The following NDST4 variants were observed in gnomAD, a reference collection of about 807,000 sequenced individuals.
The protein encoded by NDST4 is N-deacetylase and N-sulfotransferase 4.
Under a neutral mutation model 100.8 loss-of-function variants are expected in NDST4, and 63 were observed. The observed-to-expected ratio is 0.62, with a 90% confidence interval of 0.51 to 0.77. The LOEUF (loss-of-function observed/expected upper bound fraction) is 0.77. Among genes scored for constraint, NDST4 ranks in the 30% least tolerant of loss-of-function variants. NDST4 has a pLI of 0.00. For synonymous variants in NDST4, 377 were observed against 361.8 expected (o/e 1.04, Z -0.48); for missense variants, 943 against 1,018.4 (o/e 0.93, Z 1.01).
intron 2 of NDST4, among the ~76,000 whole-genome samples, chr4:115,016,292 A>G (rs1462547560): frequency 6.6e-6 from 1 of 152,090 alleles, no homozygotes; most frequent in Non-Finnish European, 1.5e-5. Flanking sequence ...GGTTCTTCAG[A>G]AGCCTGTATA....
intron 1 of NDST4, among the ~76,000 whole-genome samples, chr4:115,099,556 G>A (rs1309931123): frequency 6.6e-6 from 1 of 152,130 alleles, no homozygotes; most frequent in Non-Finnish European, 1.5e-5. Flanking sequence ...TTTAGGATAT[G>A]AGAAGATGGT....
intron 6 of NDST4, among the ~76,000 whole-genome samples, chr4:114,918,556 T>TA (rs1378309786): frequency 2.3e-5 from 1 of 42,978 alleles, no homozygotes; most frequent in African/African-American, 1.6e-4. Flanking sequence ...AAAATAAAAA[T>TA]AAATAAAAAA....
chr4:114,858,933 G>C (rs925375307), intron 7 of NDST4, among the ~76,000 whole-genome samples: 5 of 152,170 alleles, frequency 3.3e-5, no homozygotes, highest in Admixed American at 2.6e-4. Flanking sequence ...ATCCTGGTAG[G>C]GGTAATTGAC....
intron 7 of NDST4, among the ~76,000 whole-genome samples, chr4:114,867,665 CA>C: frequency 0.014 from 1,082 of 79,858 alleles, 8 homozygotes; most frequent in Middle Eastern, 0.026. Flanking sequence ...AAAAAAAAAG[CA>C]AAAAAAAAAA....
intron 2 of NDST4, among the ~76,000 whole-genome samples, chr4:115,008,281 T>A (rs1403466682): frequency 7.7e-6 from 1 of 129,592 alleles, no homozygotes; most frequent in Non-Finnish European, 1.7e-5. Context: ...CTTTAGTTGA[T>A]GCAGTTTCTT....
intron 2 of NDST4, among the ~76,000 whole-genome samples, chr4:115,075,173 T>C (rs560119758): frequency 1.3e-5 from 2 of 152,302 alleles, no homozygotes; most frequent in South Asian, 4.1e-4. Flanking sequence ...GGTATAATAA[T>C]GAAAGCTACC....
chr4:114,833,085 T>C (rs1723236485), intron 12 of NDST4, among the ~76,000 whole-genome samples: 2 of 152,162 alleles, frequency 1.3e-5, no homozygotes, highest in East Asian at 3.8e-4. Flanking sequence ...AATAAAATAA[T>C]GGTCATTATA....
chr4:115,018,473 C>T (rs1223931163), intron 2 of NDST4, among the ~76,000 whole-genome samples: 1 of 151,504 alleles, frequency 6.6e-6, no homozygotes, highest in African/African-American at 2.4e-5. Context: ...ACAATCTTAC[C>T]TCTATTATAT....
chr4:114,948,690 G>C (rs1725924196), intron 4 of NDST4, among the ~76,000 whole-genome samples: 1 of 151,964 alleles, frequency 6.6e-6, no homozygotes, highest in South Asian at 2.1e-4. Context: ...TTATTAACCA[G>C]CTTTAATTCT....
At chr4:114,897,873 G>T (rs1298940948) in intron 6 of NDST4, among the ~76,000 whole-genome samples, 2 of 152,142 alleles carry the variant, frequency 1.3e-5, no homozygotes, top group African/African-American at 4.8e-5. Flanking sequence ...TTGTTGAGGT[G>T]TCTGGTAAGG....
Position 115,076,593 on chromosome 4 carries a change from C to T in NDST4, c.444G>A (p.Glu148=). Residue 148 remains glutamate (E), a synonymous_variant, in exon 2 of 14, where the codon GAG becomes GAA. Transcript: ENST00000264363. The part of the protein sequence containing the change: ...KYVSMDSWNR[E]LLEKYCVEYS... Reference sequence around the variant, plus strand: ...ATTCCACACAGTATTTTTCTAAAAGCTCTCGATTCCATGAGTCCATGCTGA... The same window carrying T: ...ATTCCACACAGTATTTTTCTAAAAGTTCTCGATTCCATGAGTCCATGCTGA... The T allele has an allele frequency of 6.2e-7, 1 of 1,613,918 alleles. No individual in the cohort carries two copies. The highest frequency in any genetic ancestry group is 8.5e-7 in the Non-Finnish European group (1 of 1,179,924).
intron 2 of NDST4, among the ~76,000 whole-genome samples, chr4:115,025,945 G>T (rs1727974565): frequency 6.6e-6 from 1 of 151,968 alleles, no homozygotes; most frequent in South Asian, 2.1e-4. Flanking sequence ...GTTGTCAGTT[G>T]GGTTCATCAA....
At chr4:114,845,536 A>G (rs1287425949) in intron 10 of NDST4, among the ~76,000 whole-genome samples, 2 of 152,318 alleles carry the variant, frequency 1.3e-5, no homozygotes, top group South Asian at 2.1e-4. Context: ...AAATTTGTTA[A>G]TTTTTGATAA....
At chr4:114,922,188 G>C (rs985390968) in intron 6 of NDST4, among the ~76,000 whole-genome samples, 1 of 152,166 alleles carries the variant, frequency 6.6e-6, no homozygotes, top group Non-Finnish European at 1.5e-5. Context: ...CTTGAAACTG[G>C]TGATCAGCAG....
At chr4:114,984,982 A>G (rs1234969606) in intron 2 of NDST4, among the ~76,000 whole-genome samples, 1 of 152,202 alleles carries the variant, frequency 6.6e-6, no homozygotes, top group Non-Finnish European at 1.5e-5. Context: ...GGAATTTGCT[A>G]TAATGTATAC....
chr4:114,931,288 T>C (rs1210848195), intron 6 of NDST4, among the ~76,000 whole-genome samples: 1 of 151,788 alleles, frequency 6.6e-6, no homozygotes, highest in African/African-American at 2.4e-5. Context: ...ACAAATTATT[T>C]AGAGGTGCAG....
At chr4:114,992,873 A>T (rs1029340979) in intron 2 of NDST4, among the ~76,000 whole-genome samples, 3 of 151,828 alleles carry the variant, frequency 2.0e-5, no homozygotes, top group Non-Finnish European at 2.9e-5. Flanking sequence ...TGAGAACTCT[A>T]GCTCCTGGGT....
At chr4:114,954,648 C>T (rs1726094759) in intron 4 of NDST4, among the ~76,000 whole-genome samples, 1 of 152,052 alleles carries the variant, frequency 6.6e-6, no homozygotes, top group African/African-American at 2.4e-5. Context: ...GTTACTAAAA[C>T]ATTCTTTTTT....
At chr4:115,103,123 A>G (rs1167515071) in intron 1 of NDST4, among the ~76,000 whole-genome samples, 7 of 152,198 alleles carry the variant, frequency 4.6e-5, no homozygotes, top group Non-Finnish European at 7.3e-5. Context: ...AGAAAGGTCT[A>G]GCAAGATGTT....
Sources: gnomAD v4.1 joint callset for allele counts (sites outside exome capture counted in the v4.1 genomes callset) on GRCh38, gnomAD v4.1.1 for gene constraint, MANE v1.5 for transcripts, NCBI Gene and HGNC (gene_info 2026-07-23, HGNC 2026-07-21) for gene names.